Variants in ADCY2 observed in about 807,000 individuals in gnomAD.
ADCY2 encodes adenylate cyclase type 2.
ADCY2 carries 31 observed loss-of-function variants against 125.2 expected under a neutral mutation model. The observed-to-expected ratio is 0.25, with a 90% CI of 0.19 to 0.33. The LOEUF is 0.33. Among genes scored for constraint, ADCY2 ranks in the 10% least tolerant of loss-of-function variants. The probability of loss-of-function intolerance (pLI) is 1.00; values close to 1 mark genes in which losing one functional copy is unlikely to be tolerated. For missense variants in ADCY2, 904 were observed against 1,418.2 expected (o/e 0.64, Z 5.82); for synonymous variants, 512 against 548.4 (o/e 0.93, Z 0.93).
chr5:7,434,921 A>C (rs148927887), intron 2 of ADCY2, among the ~76,000 whole-genome samples: 68 of 152,310 alleles, frequency 4.5e-4, no homozygotes, highest in African/African-American at 1.5e-3. Context: ...GTGGTGAATT[A>C]ATTTACTTTC....
chr5:7,581,585 C>T (rs180850879), intron 3 of ADCY2, among the ~76,000 whole-genome samples: 7 of 151,664 alleles, frequency 4.6e-5, no homozygotes, highest in Admixed American at 6.6e-5. Context: ...TTTGGGGGGC[C>T]GAAGTGGGCA....
intron 2 of ADCY2, among the ~76,000 whole-genome samples, chr5:7,441,086 G>T (rs1408097384): frequency 6.6e-6 from 1 of 152,090 alleles, no homozygotes; most frequent in Non-Finnish European, 1.5e-5. Context: ...GACGGTTTTG[G>T]AGATACGTTC....
intron 2 of ADCY2, among the ~76,000 whole-genome samples, chr5:7,512,239 A>AAAAAAAAAAAAAC: frequency 6.6e-6 from 1 of 150,994 alleles, no homozygotes; most frequent in African/African-American, 2.4e-5. Context: ...AAAAAAAAAA[A>AAAAAAAAAAAAAC]AGAAAACCAT....
chr5:7,608,082 A>T (rs982683149), intron 3 of ADCY2, among the ~76,000 whole-genome samples: 2 of 152,228 alleles, frequency 1.3e-5, no homozygotes, highest in African/African-American at 4.8e-5. Flanking sequence ...AGCAGGCAAA[A>T]AAGAATTAAT....
intron 18 of ADCY2, among the ~76,000 whole-genome samples, chr5:7,774,932 T>C (rs1227563675): frequency 6.6e-6 from 1 of 152,218 alleles, no homozygotes; most frequent in Non-Finnish European, 1.5e-5. Flanking sequence ...TGTGAAATAA[T>C]TGCATCATGG....
chr5:7,444,238 C>G (rs943081935), intron 2 of ADCY2, among the ~76,000 whole-genome samples: 2 of 151,682 alleles, frequency 1.3e-5, no homozygotes, highest in Admixed American at 1.3e-4. Context: ...CTCAGCCTCC[C>G]GAGTAGCTGG....
chr5:7,647,967 C>T (rs780577136), intron 4 of ADCY2, among the ~76,000 whole-genome samples: 4 of 152,174 alleles, frequency 2.6e-5, no homozygotes, highest in Admixed American at 6.5e-5. Flanking sequence ...GGGGAAAAGG[C>T]GCAATGCCAA....
intron 2 of ADCY2, among the ~76,000 whole-genome samples, chr5:7,421,975 A>G (rs758514730): frequency 2.0e-5 from 3 of 152,232 alleles, no homozygotes; most frequent in Admixed American, 1.3e-4. Flanking sequence ...TTGCTGTGTA[A>G]ATAAACAGAG....
chr5:7,454,002 G>A (rs1741573098), intron 2 of ADCY2, among the ~76,000 whole-genome samples: 1 of 152,118 alleles, frequency 6.6e-6, no homozygotes, highest in South Asian at 2.1e-4. Flanking sequence ...TATCTACAGG[G>A]AGACTGCTTT....
intron 22 of ADCY2, 118 bp downstream of exon 22, chr5:7,804,810 C>T: frequency 1.4e-6 from 1 of 727,796 alleles, no homozygotes; most frequent in African/African-American, 1.8e-5. Context: ...CAACCTAAAG[C>T]TCAGGGTCAA....
chr5:7,702,761 T>G (rs1209870123), intron 7 of ADCY2, among the ~76,000 whole-genome samples: 1 of 152,210 alleles, frequency 6.6e-6, no homozygotes, highest in Non-Finnish European at 1.5e-5. Context: ...GATGGCTGGG[T>G]GAAATGGTAT....
At chr5:7,734,191 G>T (rs771618556) in intron 14 of ADCY2, among the ~76,000 whole-genome samples, 25 of 152,230 alleles carry the variant, frequency 1.6e-4, no homozygotes, top group Non-Finnish European at 3.4e-4. Flanking sequence ...TAAGGGAAAT[G>T]AAGTCAACCA....
At chr5:7,776,572 A>G (rs994002585) in intron 18 of ADCY2, among the ~76,000 whole-genome samples, 1 of 152,148 alleles carries the variant, frequency 6.6e-6, no homozygotes, top group Non-Finnish European at 1.5e-5. Flanking sequence ...TTAGATGTCA[A>G]CATGATTGGA....
At chr5:7,737,319 G>A (rs1579373973) in intron 14 of ADCY2, among the ~76,000 whole-genome samples, 1 of 152,328 alleles carries the variant, frequency 6.6e-6, no homozygotes, top group Non-Finnish European at 1.5e-5. Flanking sequence ...CAGGATAGAG[G>A]TGTTGTTAGC....
chr5:7,801,453 C>T (rs1430509259), intron 20 of ADCY2: 1 of 152,238 alleles, frequency 6.6e-6, no homozygotes, highest in Non-Finnish European at 1.5e-5. Flanking sequence ...TCTCAGGGGT[C>T]TGAGGACCCC....
chr5:7,571,338 A>G (rs1736059269), intron 3 of ADCY2, among the ~76,000 whole-genome samples: 2 of 152,120 alleles, frequency 1.3e-5, no homozygotes. Flanking sequence ...AAAGCCTGAG[A>G]AGGAAGAGTT....
At chr5:7,537,013 TC>T (rs1734836791) in intron 3 of ADCY2, among the ~76,000 whole-genome samples, 1 of 62,674 alleles carries the variant, frequency 1.6e-5, no homozygotes, top group African/African-American at 2.9e-5. Context: ...TTATTTACTG[TC>T]TTTAATTCTG....
At chr5:7,501,081 CT>C (rs992225915) in intron 2 of ADCY2, among the ~76,000 whole-genome samples, 1 of 144,566 alleles carries the variant, frequency 6.9e-6, no homozygotes, top group South Asian at 2.2e-4. Flanking sequence ...TTTTCAGCAT[CT>C]TTTTTTTGTT....
intron 20 of ADCY2, chr5:7,794,213 A>G (rs4629562): frequency 0.31 from 47,770 of 152,104 alleles, 8,742 homozygotes; most frequent in Non-Finnish European, 0.42. Context: ...ACTTAATCAC[A>G]CAATGCAGAT....
Sources: allele counts gnomAD v4.1 joint callset (sites outside exome capture counted in the v4.1 genomes callset), GRCh38; gene constraint gnomAD v4.1.1; transcripts MANE v1.5; gene names NCBI Gene and HGNC (gene_info 2026-07-23, HGNC 2026-07-21).